Variants in DLG2 observed in about 807,000 individuals in gnomAD.
The protein encoded by DLG2 is disks large homolog 2.
DLG2 carries 45 observed loss-of-function variants against 132.5 expected under a neutral mutation model. The observed-to-expected ratio is 0.34, with a 90% CI of 0.27 to 0.44. The LOEUF (loss-of-function observed/expected upper bound fraction) is 0.44. Ranked by LOEUF, DLG2 falls within the 20% of genes least tolerant of loss-of-function variation. DLG2 has a pLI of 1.00. For missense variants in DLG2, 1,045 were observed against 1,196.9 expected, an observed-to-expected ratio of 0.87 and a Z score of 1.87; for synonymous variants, 424 against 419.6, an observed-to-expected ratio of 1.01 and a Z score of -0.13.
chr11:83,761,067 A>G (rs990629466), intron 18 of DLG2, among the ~76,000 whole-genome samples: 17 of 151,982 alleles, frequency 1.1e-4, no homozygotes, highest in Admixed American at 8.5e-4. Flanking sequence ...ACCCTTCTTC[A>G]CTCTGATCTG....
intron 12 of DLG2, among the ~76,000 whole-genome samples, chr11:83,972,654 T>A (rs1397655306): frequency 6.6e-6 from 1 of 152,104 alleles, no homozygotes; most frequent in Non-Finnish European, 1.5e-5. Flanking sequence ...TTTAAAAAAA[T>A]GATCGCAGAA....
At chr11:83,632,450 T>G (rs2063722663) in intron 19 of DLG2, 1 of 152,146 alleles carries the variant, frequency 6.6e-6, no homozygotes, top group Non-Finnish European at 1.5e-5. Context: ...CTTTCTTCCT[T>G]TTGCCTGTTA....
At chr11:84,006,520 A>T (rs1020420219) in intron 11 of DLG2, among the ~76,000 whole-genome samples, 2 of 151,500 alleles carry the variant, frequency 1.3e-5, no homozygotes, top group African/African-American at 4.8e-5. Flanking sequence ...AAGTATTTAC[A>T]ATAAATACTT....
intron 6 of DLG2, among the ~76,000 whole-genome samples, chr11:84,822,406 T>G (rs2077808465): frequency 6.6e-6 from 1 of 151,822 alleles, no homozygotes; most frequent in Admixed American, 6.6e-5. Flanking sequence ...GTATGAATAA[T>G]TAATTAGATA....
chr11:83,805,910 T>C (rs1451394), intron 17 of DLG2, among the ~76,000 whole-genome samples: 72,478 of 151,818 alleles, frequency 0.48, 17,448 homozygotes, highest in Middle Eastern at 0.68. Context: ...TTTTCCAAGG[T>C]CACTCAGTGT....
intron 7 of DLG2, among the ~76,000 whole-genome samples, chr11:84,355,120 C>G (rs1214233869): frequency 6.6e-6 from 1 of 151,984 alleles, no homozygotes; most frequent in Admixed American, 6.6e-5. Context: ...ATGATACAAG[C>G]ATGAGTAGGA....
At chr11:83,965,718 G>A (rs960532) in intron 12 of DLG2, among the ~76,000 whole-genome samples, 36,447 of 151,756 alleles carry the variant, frequency 0.24, 5,396 homozygotes, top group African/African-American at 0.41. Flanking sequence ...GTATTTGTGG[G>A]AAGGAAAATA....
intron 4 of DLG2, among the ~76,000 whole-genome samples, chr11:85,189,758 C>G (rs947305015): frequency 5.3e-5 from 8 of 151,902 alleles, no homozygotes; most frequent in African/African-American, 1.9e-4. Flanking sequence ...AAAATAAAAC[C>G]AAGAAAACCC....
At chr11:83,851,584 G>A (rs2059783513) in intron 16 of DLG2, among the ~76,000 whole-genome samples, 1 of 149,674 alleles carries the variant, frequency 6.7e-6, no homozygotes, top group Non-Finnish European at 1.5e-5. Context: ...CGGAGATGGA[G>A]CCATTGCACT....
Position 83,806,756 on chromosome 11 carries a change from C to G in DLG2, c.1723-19964G>C, listed in dbSNP as rs185405022. 2.6e-4 allele frequency among the ~76,000 whole-genome samples: 39 copies of G among 152,158 alleles called. 1 individual carries two copies. The highest frequency in any genetic ancestry group is 9.1e-4 in the African/African-American group (38 of 41,536). On this transcript the variant is annotated intron_variant, in intron 17 of 27. Transcript: ENST00000376104. ...ATCTCTTCCTCAACTCTGAAGAAGC[C>G]TTAAGGTTCACAAAGACTCCTGTTC...
chr11:84,168,815 A>G (rs1332100474), intron 8 of DLG2, among the ~76,000 whole-genome samples: 1 of 121,838 alleles, frequency 8.2e-6, no homozygotes, highest in African/African-American at 3.2e-5. Context: ...AAATCAACAC[A>G]CACACACACA....
chr11:84,010,784 T>C (rs1419655689), intron 11 of DLG2, among the ~76,000 whole-genome samples: 1 of 151,984 alleles, frequency 6.6e-6, no homozygotes, highest in African/African-American at 2.4e-5. Flanking sequence ...TGTAAACACT[T>C]GAGCATTATT....
chr11:84,571,786 C>T (rs1565335281), intron 6 of DLG2, among the ~76,000 whole-genome samples: 1 of 152,034 alleles, frequency 6.6e-6, no homozygotes, highest in Non-Finnish European at 1.5e-5. Flanking sequence ...CAAACATGCT[C>T]ATAACTTTAG....
intron 4 of DLG2, among the ~76,000 whole-genome samples, chr11:85,174,628 A>T (rs2079094004): frequency 6.6e-6 from 1 of 152,228 alleles, no homozygotes; most frequent in Admixed American, 6.5e-5. Context: ...AGTGGAACTA[A>T]GGAGACAGAG....
chr11:83,663,415 T>C (rs528912709), intron 18 of DLG2, among the ~76,000 whole-genome samples: 1 of 152,086 alleles, frequency 6.6e-6, no homozygotes. Flanking sequence ...CAGAGCACCA[T>C]TGCAGCTGAA....
chr11:84,887,836 T>C (rs1425411770), intron 6 of DLG2, among the ~76,000 whole-genome samples: 2 of 152,120 alleles, frequency 1.3e-5, no homozygotes, highest in Non-Finnish European at 2.9e-5. Context: ...TTCCCTGAGC[T>C]GCATAATGGG....
At chr11:85,077,074 C>T in intron 6 of DLG2, among the ~76,000 whole-genome samples, 1 of 151,538 alleles carries the variant, frequency 6.6e-6, no homozygotes, top group East Asian at 2.0e-4. Flanking sequence ...AAAACCATGT[C>T]TCAAATATCT....
At position 85,252,529 on chromosome 11, in the gene DLG2, T is replaced by C. The variant is rs1016758818; in HGVS notation, c.186+32691A>G. On this transcript the variant is annotated intron_variant, in intron 4 of 27. Transcript: ENST00000376104. ...TGAACCCAGGAGGTGGAGGTTGCAGTGAGCCAAGATCACGCCACTGCACTC... is the reference window on the plus strand; with the variant it reads ...TGAACCCAGGAGGTGGAGGTTGCAGCGAGCCAAGATCACGCCACTGCACTC... 3.3e-5 allele frequency among the ~76,000 whole-genome samples: 5 copies of C among 152,178 alleles called. No homozygotes were observed. In the East Asian group the frequency reaches 9.6e-4, roughly 29 times the overall value.
chr11:84,861,391 C>T (rs139779802), intron 6 of DLG2, among the ~76,000 whole-genome samples: 3 of 152,056 alleles, frequency 2.0e-5, no homozygotes, highest in Non-Finnish European at 4.4e-5. Context: ...TCTGACATTA[C>T]CGACCCTTTC....
Sources: gnomAD v4.1 joint callset for allele counts (sites outside exome capture counted in the v4.1 genomes callset) on GRCh38, gnomAD v4.1.1 for gene constraint, MANE v1.5 for transcripts, NCBI Gene and HGNC (gene_info 2026-07-23, HGNC 2026-07-21) for gene names.